The following CMTM8 variants were observed in gnomAD, a reference collection of about 807,000 sequenced individuals.
The protein encoded by CMTM8 is CKLF like MARVEL transmembrane domain containing 8.
A neutral mutation model predicts 18.6 loss-of-function variants in CMTM8; 12 were observed. The observed-to-expected ratio is 0.65, with a 90% CI of 0.41 to 1.05. The LOEUF is 1.05. Among genes scored for constraint, CMTM8 ranks in the 50% least tolerant of loss-of-function variants. The pLI, the probability that CMTM8 is intolerant of heterozygous loss-of-function variation, is 0.00. For synonymous variants in CMTM8, 87 were observed against 90.6 expected (o/e 0.96, Z 0.23); for missense variants, 217 against 227.2 (o/e 0.95, Z 0.29).
intron 1 of CMTM8, among the ~76,000 whole-genome samples, chr3:32,302,861 C>T (rs1575167521): frequency 1.3e-5 from 2 of 152,160 alleles, no homozygotes; most frequent in Non-Finnish European, 2.9e-5. Flanking sequence ...AGACCCATGG[C>T]ATGAAGAGAT....
intron 1 of CMTM8, among the ~76,000 whole-genome samples, chr3:32,330,986 G>T (rs116164017): frequency 3.3e-3 from 500 of 152,178 alleles, no homozygotes; most frequent in Middle Eastern, 0.014. Context: ...AGACAAATAG[G>T]ACTATACCAA....
chr3:32,253,937 A>G (rs1451502803), intron 1 of CMTM8, among the ~76,000 whole-genome samples: 1 of 151,716 alleles, frequency 6.6e-6, no homozygotes, highest in Non-Finnish European at 1.5e-5. Context: ...CTTGTTGCCC[A>G]GGCTGGAGTG....
rs116593716 is a variant in CMTM8, at chr3:32,311,118, A to C, written c.148-46255A>C. Among the ~76,000 whole-genome samples, 697 of 152,388 alleles carry C rather than the reference A, an allele frequency of 4.6e-3. 6 individuals carry two copies. The highest frequency in any genetic ancestry group is 8.3e-3 in the Non-Finnish European group (563 of 68,034). On this transcript the variant is annotated intron_variant, in intron 1 of 3. Transcript: ENST00000307526. ...AGTATATACGGTATCGGGGATGGTCAGCAAACCACAGCCTACAGGCCAGAC... is the reference window on the plus strand; with the variant it reads ...AGTATATACGGTATCGGGGATGGTCCGCAAACCACAGCCTACAGGCCAGAC...
chr3:32,300,973 AAAT>A (rs1695602283), intron 1 of CMTM8, among the ~76,000 whole-genome samples: 1 of 149,554 alleles, frequency 6.7e-6, no homozygotes, highest in Non-Finnish European at 1.5e-5. Flanking sequence ...AAAAAAAAAA[AAAT>A]CTTTTAATTT....
chr3:32,260,737 T>G (rs1702244704), intron 1 of CMTM8, among the ~76,000 whole-genome samples: 1 of 152,186 alleles, frequency 6.6e-6, no homozygotes, highest in East Asian at 1.9e-4. Context: ...TATAATTTTT[T>G]TCACAGTCAC....
At position 32,238,954 on chromosome 3, in the gene CMTM8, GC is replaced by G. The variant is rs1323698448; in HGVS notation, c.-16del. 6.5e-7 allele frequency: 1 copy of G among 1,544,238 alleles called. No individual in the cohort carries two copies. Among genetic ancestry groups the G allele is most frequent in the Non-Finnish European group, 8.7e-7 (1 of 1,144,076 alleles). ...CGCCGGGGTCCCTGGGGACGCGCCA[GC>G]CCGGCAGTGGCTCGACGATGGAGGA... On this transcript the variant is annotated 5_prime_UTR_variant, in exon 1 of 4. Coordinates refer to ENST00000307526, the MANE Select transcript of CMTM8 (RefSeq NM_178868.5).
intron 1 of CMTM8, among the ~76,000 whole-genome samples, chr3:32,277,260 C>T (rs1702534491): frequency 6.6e-6 from 1 of 152,166 alleles, no homozygotes; most frequent in Non-Finnish European, 1.5e-5. Context: ...CTGATAAAGG[C>T]TACTGGTGTC....
intron 1 of CMTM8, among the ~76,000 whole-genome samples, chr3:32,288,644 G>T (rs1192226355): frequency 6.6e-6 from 1 of 152,048 alleles, no homozygotes; most frequent in Non-Finnish European, 1.5e-5. Flanking sequence ...AGGACTACAG[G>T]CGCCCACCAC....
intron 1 of CMTM8, among the ~76,000 whole-genome samples, chr3:32,345,259 G>A (rs1452319706): frequency 6.6e-6 from 1 of 152,128 alleles, no homozygotes; most frequent in Non-Finnish European, 1.5e-5. Flanking sequence ...GAAGGCTAAG[G>A]TAGGAAGATC....
At chr3:32,241,281 T>G (rs1453188013) in intron 1 of CMTM8, among the ~76,000 whole-genome samples, 3 of 152,222 alleles carry the variant, frequency 2.0e-5, no homozygotes, top group African/African-American at 7.2e-5. Flanking sequence ...CCCTCTTCCC[T>G]GCCTCCAATT....
chr3:32,261,301 AG>A (rs1234096309), intron 1 of CMTM8, among the ~76,000 whole-genome samples: 2 of 152,226 alleles, frequency 1.3e-5, no homozygotes, highest in African/African-American at 4.8e-5. Flanking sequence ...ATCTGTGTCT[AG>A]CCCTTAGAAT....
intron 1 of CMTM8, among the ~76,000 whole-genome samples, chr3:32,242,609 T>C (rs905326861): frequency 1.3e-5 from 2 of 152,196 alleles, no homozygotes; most frequent in Admixed American, 6.5e-5. Flanking sequence ...ATTATAGGCA[T>C]GGGCCACTGC....
At chr3:32,334,386 C>G (rs572889126) in intron 1 of CMTM8, among the ~76,000 whole-genome samples, 1 of 152,098 alleles carries the variant, frequency 6.6e-6, no homozygotes, top group East Asian at 2.0e-4. Context: ...GCAGGCAGAT[C>G]ACGAGGTCAG....
At chr3:32,362,185 C>T (rs940923131) in intron 2 of CMTM8, among the ~76,000 whole-genome samples, 1 of 151,740 alleles carries the variant, frequency 6.6e-6, no homozygotes, top group Admixed American at 6.6e-5. Context: ...GGATTACAGG[C>T]GCTCACCACC....
rs116864611 is a variant in CMTM8, at chr3:32,343,718, C to T, written c.148-13655C>T. ...TTTGTTTTTGTTTTTGTTTTTGAGA[C>T]GGAATCTCACCAATCTTGTCACCCA... On this transcript the variant is annotated intron_variant, in intron 1 of 3. Coordinates refer to ENST00000307526, the MANE Select transcript of CMTM8 (RefSeq NM_178868.5). 2.3e-3 allele frequency among the ~76,000 whole-genome samples: 345 copies of T among 147,570 alleles called. 5 individuals carry two copies. The South Asian group carries it at 0.049, about 21-fold the overall frequency.
chr3:32,298,439 T>C (rs6794271), intron 1 of CMTM8, among the ~76,000 whole-genome samples: 30,977 of 110,798 alleles, frequency 0.28, 3,250 homozygotes, highest in East Asian at 0.51. Flanking sequence ...CATACCCCCC[T>C]TTTTTTTTTT....
chr3:32,238,854 G>T lies in CMTM8; in HGVS notation c.-119G>T. Reference sequence around the variant, plus strand: ...GGCGGGCGCCCCCCTCGCACCTCCTGCCCCGCGCGGGCCGCGCTCCCCTCC... The same window carrying T: ...GGCGGGCGCCCCCCTCGCACCTCCTTCCCCGCGCGGGCCGCGCTCCCCTCC... On this transcript the variant is annotated 5_prime_UTR_variant, in exon 1 of 4. Coordinates refer to ENST00000307526, the MANE Select transcript of CMTM8 (RefSeq NM_178868.5). The T allele has an allele frequency of 1.1e-6, 1 of 947,146 alleles. No individual in the cohort carries two copies. The highest frequency in any genetic ancestry group is 1.4e-6 in the Non-Finnish European group (1 of 715,386). The allele number at this position is 947,146 out of a possible 1,614,324, so 58.7% of individuals were successfully genotyped here.
intron 1 of CMTM8, among the ~76,000 whole-genome samples, chr3:32,317,518 C>G (rs1416007267): frequency 2.0e-5 from 3 of 152,134 alleles, no homozygotes; most frequent in Non-Finnish European, 4.4e-5. Context: ...TTGGCCTAAA[C>G]TTTATGAAAG....
intron 1 of CMTM8, among the ~76,000 whole-genome samples, chr3:32,283,433 G>C (rs1702634710): frequency 6.6e-6 from 1 of 152,122 alleles, no homozygotes; most frequent in Non-Finnish European, 1.5e-5. Context: ...TGCTGCAGTC[G>C]GGGAGCTCAC....
Sources: gnomAD v4.1 joint callset for allele counts (sites outside exome capture counted in the v4.1 genomes callset) on GRCh38, gnomAD v4.1.1 for gene constraint, MANE v1.5 for transcripts, NCBI Gene and HGNC (gene_info 2026-07-23, HGNC 2026-07-21) for gene names.